NEDD4: variants seen among roughly 807,000 people sequenced by gnomAD.
NEDD4 encodes the protein E3 ubiquitin-protein ligase NEDD4.
In NEDD4, 99 loss-of-function variants were observed where a neutral mutation model predicts 144.9. That is an observed-to-expected ratio of 0.68 (90% CI 0.58 to 0.81). The LOEUF (loss-of-function observed/expected upper bound fraction) is 0.81. NEDD4 is among the 30% of genes least tolerant of loss of function. The pLI, the probability that NEDD4 is intolerant of heterozygous loss-of-function variation, is 0.00. For missense variants in NEDD4, 985 were observed against 1,065.9 expected, an observed-to-expected ratio of 0.92 and a Z score of 1.06; for synonymous variants, 318 against 350.6, an observed-to-expected ratio of 0.91 and a Z score of 1.04.
chr15:55,964,744 T>TATGGTTTGGATATTTGTATCCTTCA (rs2037484831), intron 2 of NEDD4, among the ~76,000 whole-genome samples: 1 of 150,580 alleles, frequency 6.6e-6, no homozygotes, highest in African/African-American at 2.4e-5. Flanking sequence ...CTTATCATTC[T>TATGGTTTGGATATTTGTATCCTTCA]ATGGTTTGGA....
At chr15:55,852,400 G>A (rs2034019219) in intron 13 of NEDD4, 24 bp downstream of exon 13, 1 of 1,596,676 alleles carries the variant, frequency 6.3e-7, no homozygotes, top group Admixed American at 1.7e-5. Context: ...CTGTAAGAAA[G>A]CAAGTTGATA....
At chr15:55,982,913 G>C (rs2037826954) in intron 1 of NEDD4, among the ~76,000 whole-genome samples, 1 of 152,168 alleles carries the variant, frequency 6.6e-6, no homozygotes, top group African/African-American at 2.4e-5. Flanking sequence ...CCTGAGGTCA[G>C]GAGTTCGAGA....
intron 1 of NEDD4, among the ~76,000 whole-genome samples, chr15:55,967,440 C>CTGTGTGTGTGTG (rs200788423): frequency 4.8e-4 from 68 of 142,360 alleles, no homozygotes; most frequent in African/African-American, 7.3e-4. Context: ...CATAACTATG[C>CTGTGTGTGTGTG]TGTGTGTGTG....
rs1474527081 is a variant in NEDD4 at position 55,928,766 on chromosome 15, T to TTTTATTAAAG, written c.238-4077_238-4068dup. On this transcript the variant is annotated intron_variant, in intron 4 of 28. Coordinates refer to ENST00000435532, the MANE Select transcript of NEDD4 (RefSeq NM_006154.4). ...TGATCAGATTTACTACATTTTTTCC[T>TTTTATTAAAG]TTTATTAAAGTTAATTTGGCATATG... is the stretch of plus-strand genomic sequence containing the variant. 2.0e-5 allele frequency among the ~76,000 whole-genome samples: 3 copies of TTTTATTAAAG among 152,336 alleles called. No homozygotes were observed. The East Asian group carries it at 5.8e-4, about 29-fold the overall frequency.
intron 28 of NEDD4, 57 bp from the exon 29 acceptor site, chr15:55,830,056 C>A: frequency 8.4e-7 from 1 of 1,195,572 alleles, no homozygotes; most frequent in South Asian, 1.3e-5. Context: ...AGTACCACCA[C>A]AGCAAACAGA....
At chr15:55,933,519 G>T (rs1252869051) in intron 4 of NEDD4, among the ~76,000 whole-genome samples, 7 of 135,584 alleles carry the variant, frequency 5.2e-5, no homozygotes, top group Admixed American at 3.0e-4. Flanking sequence ...TCACACACTG[G>T]GGCCTGTCGT....
intron 4 of NEDD4, among the ~76,000 whole-genome samples, chr15:55,928,112 C>A (rs903246299): frequency 6.6e-6 from 1 of 152,038 alleles, no homozygotes; most frequent in African/African-American, 2.4e-5. Context: ...TGGGTTCAAG[C>A]GATTCTCCTG....
chr15:55,939,426 G>A (rs1353883898), intron 4 of NEDD4, among the ~76,000 whole-genome samples: 1 of 152,128 alleles, frequency 6.6e-6, no homozygotes, highest in African/African-American at 2.4e-5. Flanking sequence ...GTGGAACTGT[G>A]AGTCAGTTAA....
chr15:55,861,716 C>G (rs189706672), intron 9 of NEDD4, among the ~76,000 whole-genome samples: 1 of 152,160 alleles, frequency 6.6e-6, no homozygotes, highest in East Asian at 1.9e-4. Context: ...ATTGAACACC[C>G]TTACCCCAGT....
chr15:55,857,471 GAC>G (rs1392113141), intron 11 of NEDD4, among the ~76,000 whole-genome samples: 1 of 152,048 alleles, frequency 6.6e-6, no homozygotes, highest in Non-Finnish European at 1.5e-5. Flanking sequence ...TGGGATTACA[GAC>G]ACACGCCACT....
At chr15:55,869,247 G>A (rs2142056301) in intron 8 of NEDD4, among the ~76,000 whole-genome samples, 1 of 152,216 alleles carries the variant, frequency 6.6e-6, no homozygotes, top group South Asian at 2.1e-4. Flanking sequence ...CTAATCAGTG[G>A]AGTCTCCTCA....
At chr15:55,833,959 GTATAGT>G in intron 26 of NEDD4, 73 bp downstream of exon 26, 1 of 1,008,578 alleles carries the variant, frequency 9.9e-7, no homozygotes, top group Non-Finnish European at 1.5e-6. Context: ...TAATCCACCA[GTATAGT>G]TAATCAAGAG....
chr15:55,897,779 A>C (rs2035784802), intron 5 of NEDD4, among the ~76,000 whole-genome samples: 1 of 152,154 alleles, frequency 6.6e-6, no homozygotes, highest in Non-Finnish European at 1.5e-5. Context: ...TCAGGGACTG[A>C]ATTGTGTTTG....
intron 4 of NEDD4, among the ~76,000 whole-genome samples, chr15:55,947,628 G>A (rs1414283098): frequency 6.6e-6 from 1 of 152,102 alleles, no homozygotes; most frequent in Non-Finnish European, 1.5e-5. Context: ...TTCATCCCTG[G>A]GATGCAAGGC....
chr15:55,949,877 C>T (rs144709362), intron 4 of NEDD4, among the ~76,000 whole-genome samples: 4 of 151,586 alleles, frequency 2.6e-5, no homozygotes, highest in South Asian at 4.2e-4. Flanking sequence ...GTGCAGCACA[C>T]CAATATGGCA....
intron 24 of NEDD4, among the ~76,000 whole-genome samples, chr15:55,835,204 G>T (rs139395127): frequency 6.4e-4 from 98 of 152,182 alleles, no homozygotes; most frequent in African/African-American, 2.3e-3. Context: ...ACTGCAATCG[G>T]ACTTCTACAC....
Position 55,838,490 on chromosome 15 carries a change from C to G in NEDD4, c.2127+19G>C. 1 of 1,539,270 alleles carries G rather than the reference C, an allele frequency of 6.5e-7. No homozygotes were observed. Among genetic ancestry groups the G allele is most frequent in the Non-Finnish European group, 9.0e-7 (1 of 1,113,348 alleles). On this transcript the variant is annotated intron_variant, in intron 22 of 28. Coordinates refer to ENST00000435532, the MANE Select transcript of NEDD4 (RefSeq NM_006154.4). ...TCTCACAATTTATGTGCCATTTTAA[C>G]TGATCAAAATTCACAAACCTGTCCA...
intron 17 of NEDD4, among the ~76,000 whole-genome samples, chr15:55,847,568 A>C (rs774763616): frequency 6.6e-6 from 1 of 152,210 alleles, no homozygotes; most frequent in Non-Finnish European, 1.5e-5. Context: ...TAATTTTCCT[A>C]TCAATCTGAC....
intron 4 of NEDD4, among the ~76,000 whole-genome samples, chr15:55,949,446 A>G (rs2037193024): frequency 6.6e-6 from 1 of 152,246 alleles, no homozygotes; most frequent in Non-Finnish European, 1.5e-5. Context: ...CAATCCCATT[A>G]CTGGGTATAT....
Sources: allele counts gnomAD v4.1 joint callset (sites outside exome capture counted in the v4.1 genomes callset), GRCh38; gene constraint gnomAD v4.1.1; transcripts MANE v1.5; gene names NCBI Gene and HGNC (gene_info 2026-07-23, HGNC 2026-07-21).